PRKN: variants seen among roughly 807,000 people sequenced by gnomAD.
PRKN encodes the protein E3 ubiquitin-protein ligase parkin.
A neutral mutation model predicts 59.5 loss-of-function variants in PRKN; 56 were observed. The ratio of observed to expected loss-of-function variants is 0.94; its 90% CI spans 0.76 to 1.18. PRKN has a LOEUF of 1.18. Among genes scored for constraint, PRKN ranks in the 50% most tolerant of loss-of-function variants. The probability of loss-of-function intolerance (pLI) is 0.00; values close to 1 mark genes in which losing one functional copy is unlikely to be tolerated. For synonymous variants in PRKN, 250 were observed against 222.1 expected (o/e 1.13, Z -1.12); for missense variants, 657 against 596.4 (o/e 1.10, Z -1.06).
At chr6:162,335,049 T>C (rs979600565) in intron 2 of PRKN, among the ~76,000 whole-genome samples, 3 of 152,176 alleles carry the variant, frequency 2.0e-5, no homozygotes, top group Non-Finnish European at 4.4e-5. Flanking sequence ...AGTCTTGCTC[T>C]GTCCTCCAGG....
In PRKN at chr6:161,363,085, CACA is replaced by C. The variant is rs552067844; in HGVS notation, c.1168-2883_1168-2881del. ...GGTGAAACCTCGTCTCTGCTAAAAA[CACA>C]ACGATTAGCCAAGCGTGGTGGTGTG... is the stretch of plus-strand genomic sequence containing the variant. On this transcript the variant is annotated intron_variant, in intron 10 of 11. Transcript: ENST00000366898. This position sits in a 1 kb window ranked among gnomAD's most constrained non-coding sequence, Gnocchi z 4.1. 1.2e-4 allele frequency among the ~76,000 whole-genome samples: 19 copies of C among 152,142 alleles called. No individual in the cohort carries two copies. In the East Asian group the frequency reaches 3.7e-3, roughly 29 times the overall value.
chr6:161,811,375 C>A (rs1041361849), intron 6 of PRKN, among the ~76,000 whole-genome samples: 1 of 152,078 alleles, frequency 6.6e-6, no homozygotes, highest in Admixed American at 6.5e-5. Flanking sequence ...TATACAGTTA[C>A]AGAAATCAAG....
chr6:162,380,774 G>A (rs1400294790), intron 2 of PRKN, among the ~76,000 whole-genome samples: 2 of 151,702 alleles, frequency 1.3e-5, no homozygotes, highest in Non-Finnish European at 2.9e-5. Flanking sequence ...TTTTCAAATT[G>A]TCAATTTCAA....
intron 5 of PRKN, among the ~76,000 whole-genome samples, chr6:162,006,951 G>A (rs1404423692): frequency 6.6e-6 from 1 of 151,878 alleles, no homozygotes; most frequent in African/African-American, 2.4e-5. Flanking sequence ...CCAGCACATT[G>A]TATGGCTTCA....
chr6:161,826,802 G>C (rs1583213794), intron 6 of PRKN, among the ~76,000 whole-genome samples: 1 of 152,214 alleles, frequency 6.6e-6, no homozygotes, highest in African/African-American at 2.4e-5. Context: ...CGGACACGCT[G>C]AGTGAGTTTT....
chr6:162,215,966 C>T (rs28481441), intron 3 of PRKN, among the ~76,000 whole-genome samples: 22 of 151,940 alleles, frequency 1.4e-4, no homozygotes, highest in African/African-American at 4.3e-4. Flanking sequence ...TTGCTTGAAC[C>T]GGGACCCGGG....
At chr6:162,561,347 C>T (rs892342549) in intron 1 of PRKN, among the ~76,000 whole-genome samples, 2 of 152,006 alleles carry the variant, frequency 1.3e-5, no homozygotes, top group Admixed American at 6.6e-5. Context: ...AAGAAGAAAG[C>T]CAATGACTAT....
At chr6:161,883,686 G>C (rs1278223246) in intron 6 of PRKN, among the ~76,000 whole-genome samples, 1 of 151,740 alleles carries the variant, frequency 6.6e-6, no homozygotes, top group Non-Finnish European at 1.5e-5. Flanking sequence ...GTCTCACTCT[G>C]TCGCCCAGGC....
chr6:162,468,055 C>T (rs1314217141), intron 1 of PRKN, among the ~76,000 whole-genome samples: 1 of 152,188 alleles, frequency 6.6e-6, no homozygotes, highest in African/African-American at 2.4e-5. Context: ...TTTACTGCTA[C>T]CGTGGTTCTT....
At chr6:162,294,701 A>C (rs1781587440) in intron 2 of PRKN, among the ~76,000 whole-genome samples, 1 of 152,152 alleles carries the variant, frequency 6.6e-6, no homozygotes, top group South Asian at 2.1e-4. Context: ...TTTTCTGCTG[A>C]AGAAGATTAA....
chr6:162,647,381 G>A (rs951461339), intron 1 of PRKN, among the ~76,000 whole-genome samples: 1 of 152,036 alleles, frequency 6.6e-6, no homozygotes, highest in African/African-American at 2.4e-5. Flanking sequence ...GTCATGGAGG[G>A]CTATTTTAGA....
Position 161,545,494 on chromosome 6 carries a change from C to A in PRKN, c.1083+3360G>T. The A allele has an allele frequency of 8.1e-7, 1 of 1,237,770 alleles. No individual in the cohort carries two copies. The allele number at this position is 1,237,770 out of a possible 1,614,324, so 76.7% of individuals were successfully genotyped here. On this transcript the variant is annotated intron_variant, in intron 9 of 11. Coordinates refer to ENST00000366898, the MANE Select transcript of PRKN (RefSeq NM_004562.3). The surrounding 1 kb of genome is among the most constrained non-coding windows in gnomAD (Gnocchi z 4.1). ...CTTCTTCTAACTTTTATGTATTTGG[C>A]CATGTTCTACTTCTGAAATGACATA...
At chr6:162,110,978 A>G (rs2128302236) in intron 4 of PRKN, among the ~76,000 whole-genome samples, 1 of 152,346 alleles carries the variant, frequency 6.6e-6, no homozygotes, top group South Asian at 2.1e-4. Flanking sequence ...AAAAAGTGGC[A>G]GGAAGTTGTG....
In PRKN at chr6:161,402,833, T is replaced by A. The variant is rs1156651533; in HGVS notation, c.1084-15956A>T. Among the ~76,000 whole-genome samples the A allele has an allele frequency of 6.6e-6, 1 of 152,020 alleles. No individual in the cohort carries two copies. Among genetic ancestry groups the A allele is most frequent in the Non-Finnish European group, 1.5e-5 (1 of 68,000 alleles). ...TGTAGATAAACAATCTCTCAGGTAA[T>A]AAAAGTTGTCTCCGAGCAGCCCTGA... On this transcript the variant is annotated intron_variant, in intron 9 of 11. Coordinates refer to ENST00000366898, the MANE Select transcript of PRKN (RefSeq NM_004562.3). The surrounding 1 kb of genome is among the most constrained non-coding windows in gnomAD (Gnocchi z 4.5).
At chr6:162,443,508 G>A (rs761274077) in intron 1 of PRKN, 35 bp from the exon 2 acceptor site, 3 of 1,605,254 alleles carry the variant, frequency 1.9e-6, no homozygotes, top group South Asian at 2.2e-5. Context: ...AAGAGAAAGT[G>A]AGCATCACTC....
intron 2 of PRKN, among the ~76,000 whole-genome samples, chr6:162,297,163 ATTTTTCT>A (rs1391350371): frequency 7.0e-6 from 1 of 142,454 alleles, no homozygotes; most frequent in Non-Finnish European, 1.5e-5. Flanking sequence ...AGATTCTAGA[ATTTTTCT>A]TTTCTTTTTT....
chr6:162,240,771 G>A (rs1778953728), intron 3 of PRKN, among the ~76,000 whole-genome samples: 1 of 152,102 alleles, frequency 6.6e-6, no homozygotes, highest in African/African-American at 2.4e-5. Context: ...ACTGAGAAAA[G>A]AGAGGGAAAT....
intron 2 of PRKN, among the ~76,000 whole-genome samples, chr6:162,373,730 A>C (rs1785894977): frequency 6.6e-6 from 1 of 152,178 alleles, no homozygotes; most frequent in Non-Finnish European, 1.5e-5. Context: ...ACAACATCTT[A>C]AGAAAGAAAA....
chr6:161,900,843 T>C (rs1777884568), intron 6 of PRKN, among the ~76,000 whole-genome samples: 1 of 142,272 alleles, frequency 7.0e-6, no homozygotes, highest in Admixed American at 7.4e-5. Context: ...GTATATTATA[T>C]ATAATTACAT....
Sources: gnomAD v4.1 joint callset for allele counts (sites outside exome capture counted in the v4.1 genomes callset) on GRCh38, gnomAD v4.1.1 for gene constraint, Gnocchi (gnomAD v3.1) non-coding constraint, MANE v1.5 for transcripts, NCBI Gene and HGNC (gene_info 2026-07-23, HGNC 2026-07-21) for gene names.